ABCA12: variants seen among roughly 807,000 people sequenced by gnomAD.
The protein encoded by ABCA12 is glucosylceramide transporter ABCA12.
ABCA12 carries 156 observed loss-of-function variants against 293.5 expected under a neutral mutation model. The observed-to-expected ratio is 0.53, with a 90% CI of 0.47 to 0.61. ABCA12 has a LOEUF of 0.61. Ranked by LOEUF, ABCA12 falls within the 20% of genes least tolerant of loss-of-function variation. The pLI is 0.00. For synonymous variants in ABCA12, 1,063 were observed against 1,108.0 expected (o/e 0.96, Z 0.81); for missense variants, 2,797 against 3,090.2 (o/e 0.91, Z 2.25).
At chr2:215,026,763 C>T in intron 10 of ABCA12, 57 bp downstream of exon 10, 1 of 1,442,474 alleles carries the variant, frequency 6.9e-7, no homozygotes, top group Non-Finnish European at 9.8e-7. Context: ...AAACTCACTA[C>T]TTTAGAACAG....
chr2:214,951,162 C>T (rs1698754510), intron 44 of ABCA12, 79 bp from the exon 45 acceptor site: 4 of 1,255,744 alleles, frequency 3.2e-6, no homozygotes, highest in Non-Finnish European at 3.5e-6. Flanking sequence ...GATGGGTTTT[C>T]ATGTCACTAA....
intron 2 of ABCA12, among the ~76,000 whole-genome samples, chr2:215,099,118 G>C (rs1318835887): frequency 2.6e-5 from 4 of 152,196 alleles, no homozygotes; most frequent in African/African-American, 4.8e-5. Context: ...TTAAGGGCAG[G>C]ACAGAAAAAG....
chr2:214,986,791 CTT>C, intron 27 of ABCA12, 63 bp from the exon 28 acceptor site: 1 of 1,421,340 alleles, frequency 7.0e-7, no homozygotes, highest in Non-Finnish European at 9.9e-7. Context: ...TAGAGTTAGA[CTT>C]TATCTTTATT....
At chr2:215,113,886 C>T (rs1333677936) in intron 1 of ABCA12, among the ~76,000 whole-genome samples, 1 of 152,190 alleles carries the variant, frequency 6.6e-6, no homozygotes, top group Non-Finnish European at 1.5e-5. Flanking sequence ...GCTGTTTATA[C>T]TCATTACTAC....
At chr2:215,041,455 G>A (rs1215925210) in intron 7 of ABCA12, among the ~76,000 whole-genome samples, 1 of 151,626 alleles carries the variant, frequency 6.6e-6, no homozygotes, top group Non-Finnish European at 1.5e-5. Context: ...GGGAGGCTAA[G>A]GCAGAAGAAT....
intron 2 of ABCA12, among the ~76,000 whole-genome samples, chr2:215,081,405 G>A (rs535449977): frequency 1.1e-4 from 16 of 148,038 alleles, no homozygotes; most frequent in Admixed American, 2.1e-4. Flanking sequence ...TTGAATTCTG[G>A]GGAGGCAGAG....
intron 7 of ABCA12, among the ~76,000 whole-genome samples, chr2:215,042,754 AT>A (rs930437378): frequency 2.0e-5 from 3 of 152,172 alleles, no homozygotes; most frequent in Non-Finnish European, 4.4e-5. Context: ...ATGGATTACT[AT>A]TAACTGCAAT....
At chr2:215,002,335 A>AC (rs1320409180) in intron 20 of ABCA12, among the ~76,000 whole-genome samples, 2 of 152,202 alleles carry the variant, frequency 1.3e-5, no homozygotes, top group African/African-American at 4.8e-5. Flanking sequence ...TATTAATCTG[A>AC]CAAAATGATC....
chr2:215,119,925 C>A (rs192780795), intron 1 of ABCA12, among the ~76,000 whole-genome samples: 3 of 152,048 alleles, frequency 2.0e-5, no homozygotes, highest in South Asian at 2.1e-4. Context: ...CTTTACTGGG[C>A]GTATAACCAG....
At chr2:214,951,802 T>C (rs1336050977) in intron 44 of ABCA12, among the ~76,000 whole-genome samples, 1 of 152,190 alleles carries the variant, frequency 6.6e-6, no homozygotes, top group Non-Finnish European at 1.5e-5. Flanking sequence ...CCTCTCTTCT[T>C]TTTAATTTTA....
At chr2:215,100,331 C>T (rs1367184284) in intron 2 of ABCA12, among the ~76,000 whole-genome samples, 4 of 152,112 alleles carry the variant, frequency 2.6e-5, no homozygotes, top group Non-Finnish European at 1.5e-5. Flanking sequence ...CGATCATGCC[C>T]CTTCTGCCTC....
intron 2 of ABCA12, among the ~76,000 whole-genome samples, chr2:215,106,013 G>A (rs1440096550): frequency 1.3e-5 from 2 of 152,154 alleles, no homozygotes; most frequent in Non-Finnish European, 2.9e-5. Flanking sequence ...TTCATCATTA[G>A]ATCATGGGTG....
intron 27 of ABCA12, among the ~76,000 whole-genome samples, chr2:214,987,167 C>T (rs1699806603): frequency 6.6e-6 from 1 of 152,158 alleles, no homozygotes; most frequent in South Asian, 2.1e-4. Context: ...TCTACACCTC[C>T]TTCAGGCATC....
At chr2:215,134,553 T>TGC (rs1703157529) in intron 1 of ABCA12, among the ~76,000 whole-genome samples, 2 of 111,788 alleles carry the variant, frequency 1.8e-5, no homozygotes, top group African/African-American at 6.2e-5. Flanking sequence ...TATACGTATA[T>TGC]GTATATATGT....
chr2:215,005,728 T>A (rs941418559), intron 19 of ABCA12, among the ~76,000 whole-genome samples: 11 of 152,232 alleles, frequency 7.2e-5, no homozygotes, highest in African/African-American at 2.7e-4. Flanking sequence ...TGACATCTAA[T>A]AATAGGTACA....
intron 2 of ABCA12, among the ~76,000 whole-genome samples, chr2:215,071,064 G>A (rs951856100): frequency 6.6e-6 from 1 of 151,614 alleles, no homozygotes; most frequent in African/African-American, 2.4e-5. Flanking sequence ...CGGCATGCTG[G>A]TATGTGCCTG....
At chr2:215,091,939 T>C (rs1702156254) in intron 2 of ABCA12, among the ~76,000 whole-genome samples, 1 of 152,202 alleles carries the variant, frequency 6.6e-6, no homozygotes, top group Non-Finnish European at 1.5e-5. Flanking sequence ...GTCCCGTCTG[T>C]GAGGGACCCC....
At chr2:214,958,967 A>T in intron 40 of ABCA12, 57 bp downstream of exon 40, 3 of 1,507,412 alleles carry the variant, frequency 2.0e-6, no homozygotes, top group Non-Finnish European at 2.8e-6. Flanking sequence ...ACAGCACTTT[A>T]TACAAAGGCT....
intron 47 of ABCA12, 99 bp from the exon 48 acceptor site, chr2:214,947,655 A>G (rs1036908983): frequency 7.5e-7 from 1 of 1,335,964 alleles, no homozygotes; most frequent in African/African-American, 1.5e-5. Context: ...AGAAAATGTT[A>G]TCATGGAGAA....
Sources: gnomAD v4.1 joint callset for allele counts (sites outside exome capture counted in the v4.1 genomes callset) on GRCh38, gnomAD v4.1.1 for gene constraint, MANE v1.5 for transcripts, NCBI Gene and HGNC (gene_info 2026-07-23, HGNC 2026-07-21) for gene names.